LHFPL6: variants seen among roughly 807,000 people sequenced by gnomAD.
The protein encoded by LHFPL6 is LHFPL tetraspan subfamily member 6 protein.
Under a neutral mutation model 20.6 loss-of-function variants are expected in LHFPL6, and 9 were observed. The ratio of observed to expected loss-of-function variants is 0.44; its 90% confidence interval spans 0.26 to 0.76. LHFPL6 has a LOEUF of 0.76. Among genes scored for constraint, LHFPL6 ranks in the 30% least tolerant of loss-of-function variants. The pLI, the probability that LHFPL6 is intolerant of heterozygous loss-of-function variation, is 0.20. For missense variants in LHFPL6, 218 were observed against 253.5 expected, an observed-to-expected ratio of 0.86 and a Z score of 0.95; for synonymous variants, 105 against 98.7, an observed-to-expected ratio of 1.06 and a Z score of -0.38.
intron 2 of LHFPL6, among the ~76,000 whole-genome samples, chr13:39,401,624 T>C (rs1445475994): frequency 1.3e-5 from 2 of 152,184 alleles, no homozygotes; most frequent in African/African-American, 4.8e-5. Context: ...AAAATTCAGG[T>C]TTCACAAAAG....
intron 2 of LHFPL6, among the ~76,000 whole-genome samples, chr13:39,420,495 A>ATT (rs1871453294): frequency 6.6e-6 from 1 of 152,220 alleles, no homozygotes; most frequent in Admixed American, 6.5e-5. Flanking sequence ...TTAATGTATC[A>ATT]AAATGACAAG....
intron 2 of LHFPL6, among the ~76,000 whole-genome samples, chr13:39,505,181 C>T (rs556620207): frequency 1.6e-4 from 25 of 152,102 alleles, no homozygotes; most frequent in Non-Finnish European, 3.1e-4. Flanking sequence ...CAGGAGGAAA[C>T]GTGAGGTCAA....
At chr13:39,601,531 A>G (rs1351274057) in intron 1 of LHFPL6, 141 bp from the exon 2 acceptor site, 1 of 256,628 alleles carries the variant, frequency 3.9e-6, no homozygotes, top group Non-Finnish European at 7.4e-6. Flanking sequence ...AATTCTCTCT[A>G]TGAGCTTCAT....
At chr13:39,541,724 C>T (rs1273016484) in intron 2 of LHFPL6, among the ~76,000 whole-genome samples, 1 of 152,054 alleles carries the variant, frequency 6.6e-6, no homozygotes, top group Non-Finnish European at 1.5e-5. Context: ...CAGGGATCAC[C>T]GTATTTATTT....
chr13:39,587,631 G>A lies in LHFPL6; in HGVS notation c.385+13201C>T, dbSNP rs80345618. ...CACCCAGGATCCATCCAGGGAAGCC[G>A]AAACCATCCTAGATATTTCAAACAC... On this transcript the variant is annotated intron_variant, in intron 2 of 3. Coordinates refer to ENST00000379589, the MANE Select transcript of LHFPL6 (RefSeq NM_005780.3). 9.7e-3 allele frequency among the ~76,000 whole-genome samples: 1,480 copies of A among 152,082 alleles called. 23 individuals carry two copies. The highest frequency in any genetic ancestry group is 0.034 in the African/African-American group (1,408 of 41,466).
rs2138330127 is a variant in LHFPL6 at position 39,343,692 on chromosome 13, C to G, written c.*244G>C. On this transcript the variant is annotated 3_prime_UTR_variant, in exon 4 of 4. Transcript: ENST00000379589. ...TCTGTGGAATAGAAACACCCGATGCCCTGCAATATTTTTAGCCTTTGGTCC... is the reference window on the plus strand; with the variant it reads ...TCTGTGGAATAGAAACACCCGATGCGCTGCAATATTTTTAGCCTTTGGTCC... The G allele has an allele frequency of 7.3e-6, 3 of 408,708 alleles. No individual in the cohort carries two copies. In the South Asian group the frequency reaches 1.3e-4, roughly 18 times the overall value. 25.3% of individuals were successfully genotyped at this position (408,708 alleles called of 1,614,324 possible).
intron 2 of LHFPL6, among the ~76,000 whole-genome samples, chr13:39,412,957 C>G (rs1208224439): frequency 6.6e-6 from 1 of 151,774 alleles, no homozygotes; most frequent in Admixed American, 6.6e-5. Flanking sequence ...TAAATGGCAG[C>G]AAGGGAACCT....
intron 2 of LHFPL6, among the ~76,000 whole-genome samples, chr13:39,486,460 C>T (rs1395564181): frequency 6.6e-6 from 1 of 152,198 alleles, no homozygotes. Flanking sequence ...GGGTGGTATA[C>T]ATACACACCT....
chr13:39,397,864 C>T (rs868432654), intron 2 of LHFPL6, among the ~76,000 whole-genome samples: 8 of 152,144 alleles, frequency 5.3e-5, no homozygotes, highest in Middle Eastern at 3.4e-3. Flanking sequence ...TTATTTAGAG[C>T]CGTAACTAAT....
chr13:39,440,560 T>G (rs949330944), intron 2 of LHFPL6, among the ~76,000 whole-genome samples: 3 of 152,202 alleles, frequency 2.0e-5, no homozygotes, highest in African/African-American at 7.2e-5. Context: ...GTTACATAGA[T>G]AGGCCCTTTC....
intron 2 of LHFPL6, among the ~76,000 whole-genome samples, chr13:39,391,169 C>T (rs764394640): frequency 6.6e-6 from 1 of 152,186 alleles, no homozygotes; most frequent in African/African-American, 2.4e-5. Flanking sequence ...CCCTAGCTTG[C>T]AAACAAGAAA....
chr13:39,449,544 T>C (rs1050368144), intron 2 of LHFPL6, among the ~76,000 whole-genome samples: 2 of 152,204 alleles, frequency 1.3e-5, no homozygotes, highest in Admixed American at 1.3e-4. Context: ...AACTGTGAAA[T>C]AGTTAACATT....
intron 2 of LHFPL6, among the ~76,000 whole-genome samples, chr13:39,496,450 C>T (rs61355986): frequency 0.1 from 15,508 of 152,138 alleles, 1,622 homozygotes; most frequent in East Asian, 0.6. Flanking sequence ...GACGACAGCA[C>T]CTTGAGACCA....
chr13:39,380,098 A>T (rs1030290592), intron 2 of LHFPL6, among the ~76,000 whole-genome samples: 1 of 152,216 alleles, frequency 6.6e-6, no homozygotes, highest in Non-Finnish European at 1.5e-5. Context: ...AGTTTTGGGC[A>T]CCATTAAGTA....
intron 3 of LHFPL6, among the ~76,000 whole-genome samples, chr13:39,352,990 A>AATT (rs1555257738): frequency 2.7e-4 from 23 of 84,268 alleles, no homozygotes; most frequent in African/African-American, 1.1e-3. Flanking sequence ...TATATATATA[A>AATT]TTTTTTTTTT....
intron 2 of LHFPL6, among the ~76,000 whole-genome samples, chr13:39,468,881 A>G (rs1331049023): frequency 9.0e-5 from 1 of 11,074 alleles, no homozygotes; most frequent in Non-Finnish European, 7.9e-4. Flanking sequence ...TGCCAAATGT[A>G]AGAAAAAAAA....
At position 39,595,995 on chromosome 13, in the gene LHFPL6, T is replaced by C. The variant is rs540867580; in HGVS notation, c.385+4837A>G. Among the ~76,000 whole-genome samples the C allele has an allele frequency of 8.5e-5, 13 of 152,300 alleles. No homozygotes were observed. The East Asian group carries it at 2.1e-3, about 25-fold the overall frequency. On this transcript the variant is annotated intron_variant, in intron 2 of 3. Coordinates refer to ENST00000379589, the MANE Select transcript of LHFPL6 (RefSeq NM_005780.3). ...TCCTATCTTTCAATTAACAATTTCTTACTGAAAATCCACTGCATGCAAACT... is the reference window on the plus strand; with the variant it reads ...TCCTATCTTTCAATTAACAATTTCTCACTGAAAATCCACTGCATGCAAACT...
intron 3 of LHFPL6, among the ~76,000 whole-genome samples, chr13:39,349,701 C>T (rs1005660698): frequency 5.9e-5 from 9 of 152,260 alleles, no homozygotes; most frequent in African/African-American, 1.9e-4. Context: ...AAGTGATCTA[C>T]GTAGTGCGGT....
chr13:39,382,697 T>C (rs1870474439), intron 2 of LHFPL6, among the ~76,000 whole-genome samples: 1 of 152,148 alleles, frequency 6.6e-6, no homozygotes, highest in South Asian at 2.1e-4. Flanking sequence ...CACATTACTT[T>C]GAAATGTAGA....
Sources: allele counts gnomAD v4.1 joint callset (sites outside exome capture counted in the v4.1 genomes callset), GRCh38; gene constraint gnomAD v4.1.1; transcripts MANE v1.5; gene names NCBI Gene and HGNC (gene_info 2026-07-23, HGNC 2026-07-21).